The following GRAMD1B variants were observed in gnomAD, a reference collection of about 807,000 sequenced individuals.
GRAMD1B encodes GRAM domain containing 1B.
A neutral mutation model predicts 99.7 loss-of-function variants in GRAMD1B; 37 were observed. The observed-to-expected ratio is 0.37, with a 90% CI of 0.29 to 0.49. The LOEUF (loss-of-function observed/expected upper bound fraction) is 0.49, where lower values mean the gene tolerates loss of function less well. GRAMD1B is among the 20% of genes least tolerant of loss of function. The pLI is 0.98. For missense variants in GRAMD1B, 888 were observed against 1,009.2 expected (o/e 0.88, Z 1.63); for synonymous variants, 427 against 387.6 (o/e 1.10, Z -1.19).
rs571044653 is a variant in GRAMD1B, at chr11:123,421,572, C to T, written c.-175-59244C>T. 3.7e-3 allele frequency among the ~76,000 whole-genome samples: 561 copies of T among 152,280 alleles called. 2 individuals are homozygous for T. Among genetic ancestry groups the T allele is most frequent in the African/African-American group, 0.013 (523 of 41,550 alleles). On this transcript the variant is annotated intron_variant, in intron 1 of 20. Coordinates refer to the GRAMD1B transcript ENST00000638157. ...TGAGATAGAGTAGAAGAAGGATGTGCATGGGATGAGATAGCTAATTCTTCT... is the reference window on the plus strand; with the variant it reads ...TGAGATAGAGTAGAAGAAGGATGTGTATGGGATGAGATAGCTAATTCTTCT...
intron 2 of GRAMD1B, among the ~76,000 whole-genome samples, chr11:123,551,149 C>T (rs1796360690): frequency 6.7e-6 from 1 of 150,060 alleles, no homozygotes; most frequent in Non-Finnish European, 1.5e-5. Context: ...CTGAGATTGC[C>T]CTGCAGGGTT....
intron 2 of GRAMD1B, among the ~76,000 whole-genome samples, chr11:123,497,480 C>G (rs1295919531): frequency 6.6e-6 from 1 of 152,212 alleles, no homozygotes; most frequent in Non-Finnish European, 1.5e-5. Flanking sequence ...ACAAAGCCAG[C>G]CAGGTTTATG....
At chr11:123,502,048 A>G (rs1024203782) in intron 2 of GRAMD1B, among the ~76,000 whole-genome samples, 2 of 152,222 alleles carry the variant, frequency 1.3e-5, no homozygotes, top group Admixed American at 6.5e-5. Context: ...GCTCACCAGC[A>G]TCCCCAGTAA....
At chr11:123,563,463 TA>T (rs1021684781) in intron 2 of GRAMD1B, among the ~76,000 whole-genome samples, 1 of 151,834 alleles carries the variant, frequency 6.6e-6, no homozygotes, top group Non-Finnish European at 1.5e-5. Context: ...ATAGCTGGAA[TA>T]AAAGAAAATG....
At chr11:123,537,542 T>C (rs1944092691) in intron 2 of GRAMD1B, among the ~76,000 whole-genome samples, 1 of 152,228 alleles carries the variant, frequency 6.6e-6, no homozygotes, top group African/African-American at 2.4e-5. Context: ...TTCCTCAGGC[T>C]TCTTCTCGAT....
At chr11:123,613,144 G>A (rs533014205) in intron 15 of GRAMD1B, 1 of 554,718 alleles carries the variant, frequency 1.8e-6, no homozygotes, top group Non-Finnish European at 3.2e-6. Context: ...AGTGATATAG[G>A]TGGCTCTGTG....
intron 2 of GRAMD1B, among the ~76,000 whole-genome samples, chr11:123,554,235 A>G (rs539679148): frequency 6.6e-6 from 1 of 152,332 alleles, no homozygotes; most frequent in East Asian, 1.9e-4. Flanking sequence ...CTCATAGTAT[A>G]CTTTGAATGC....
chr11:123,481,583 A>ATGTCAGGTGTTGGATGG (rs1238204974), intron 2 of GRAMD1B, among the ~76,000 whole-genome samples: 1 of 152,230 alleles, frequency 6.6e-6, no homozygotes, highest in Non-Finnish European at 1.5e-5. Context: ...ATAGCCCAGG[A>ATGTCAGGTGTTGGATGG]TGTCAGGTGT....
intron 2 of GRAMD1B, chr11:123,560,496 G>A (rs1946615249): frequency 2.4e-6 from 3 of 1,229,708 alleles, no homozygotes; most frequent in South Asian, 2.8e-5. Context: ...CCCCTCCCCC[G>A]TTAGAAACAG....
intron 1 of GRAMD1B, among the ~76,000 whole-genome samples, chr11:123,374,818 C>G (rs902033177): frequency 6.6e-6 from 1 of 152,172 alleles, no homozygotes. Flanking sequence ...TCTGGTGCTG[C>G]GTTGCCATGA....
At chr11:123,359,955 T>C (rs1375777816) in intron 1 of GRAMD1B, among the ~76,000 whole-genome samples, 1 of 152,140 alleles carries the variant, frequency 6.6e-6, no homozygotes, top group Non-Finnish European at 1.5e-5. Flanking sequence ...GCCCTTCTCC[T>C]GGGAACTTTT....
chr11:123,571,300 A>C (rs1948046997), intron 2 of GRAMD1B, among the ~76,000 whole-genome samples: 1 of 152,184 alleles, frequency 6.6e-6, no homozygotes, highest in Non-Finnish European at 1.5e-5. Context: ...AGGATGAGGA[A>C]GAAAGCCAAG....
chr11:123,393,767 T>C (rs1313616908), intron 1 of GRAMD1B, among the ~76,000 whole-genome samples: 1 of 152,018 alleles, frequency 6.6e-6, no homozygotes, highest in Non-Finnish European at 1.5e-5. Flanking sequence ...AGGTCCACCC[T>C]CTTCAATGTG....
chr11:123,386,790 T>A (rs1474062615), intron 1 of GRAMD1B, among the ~76,000 whole-genome samples: 1 of 152,136 alleles, frequency 6.6e-6, no homozygotes. Context: ...AGCTGCCCAG[T>A]CCCCACTGGC....
chr11:123,494,883 TTC>T lies in GRAMD1B; in HGVS notation c.452+13992_452+13993del, dbSNP rs558255624. ...TAGGCTTGTCCTGCTCTCTGCTGCA[TTC>T]TTTGCCTCCCTTGTACTCCAGGGTT... On this transcript the variant is annotated intron_variant, in intron 2 of 19. Transcript: ENST00000635736. Among the ~76,000 whole-genome samples, 4 of 152,122 alleles carry T rather than the reference TTC, an allele frequency of 2.6e-5. No individual in the cohort carries two copies. The South Asian group carries it at 8.3e-4, about 32-fold the overall frequency.
chr11:123,601,592 A>C (rs1951990770), intron 8 of GRAMD1B, among the ~76,000 whole-genome samples: 1 of 151,210 alleles, frequency 6.6e-6, no homozygotes. Flanking sequence ...ATTGGCCTTG[A>C]CTCTAGCCCA....
intron 2 of GRAMD1B, among the ~76,000 whole-genome samples, chr11:123,551,802 A>G (rs1432067748): frequency 6.6e-6 from 1 of 152,152 alleles, no homozygotes. Context: ...TAAAGAGGAC[A>G]ACTTGCCTTA....
chr11:123,532,552 A>T (rs1450692366), intron 2 of GRAMD1B, among the ~76,000 whole-genome samples: 2 of 152,208 alleles, frequency 1.3e-5, no homozygotes, highest in Non-Finnish European at 2.9e-5. Context: ...ACACAGCAGC[A>T]CTTCCTTAGT....
chr11:123,375,164 A>G (rs1946651128), intron 1 of GRAMD1B, among the ~76,000 whole-genome samples: 1 of 152,216 alleles, frequency 6.6e-6, no homozygotes, highest in Non-Finnish European at 1.5e-5. Flanking sequence ...TAGGGAGACT[A>G]AAAGACTTCC....
Sources: gnomAD v4.1 joint callset for allele counts (sites outside exome capture counted in the v4.1 genomes callset) on GRCh38, gnomAD v4.1.1 for gene constraint, MANE v1.5 for transcripts, NCBI Gene and HGNC (gene_info 2026-07-23, HGNC 2026-07-21) for gene names.